The following AMPH variants were observed in gnomAD, a reference collection of about 807,000 sequenced individuals.
AMPH encodes amphiphysin (Stiff-Mann syndrome with breast cancer 128kD autoantigen).
AMPH carries 49 observed loss-of-function variants against 99.1 expected under a neutral mutation model. The ratio of observed to expected loss-of-function variants is 0.49; its 90% CI spans 0.39 to 0.63. AMPH has a LOEUF of 0.63. AMPH is among the 20% of genes least tolerant of loss of function. The pLI is 0.00. For missense variants in AMPH, 759 were observed against 863.4 expected (o/e 0.88, Z 1.52); for synonymous variants, 314 against 317.3 (o/e 0.99, Z 0.11).
intron 4 of AMPH, among the ~76,000 whole-genome samples, 173 bp from the exon 5 acceptor site, chr7:38,491,318 C>T (rs1788711810): frequency 6.6e-6 from 1 of 152,162 alleles, no homozygotes; most frequent in Admixed American, 6.5e-5. Flanking sequence ...GGCAATTTGG[C>T]CACTGGTTCT....
At chr7:38,620,336 A>ATATGTGTG (rs1297516293) in intron 1 of AMPH, among the ~76,000 whole-genome samples, 1 of 145,622 alleles carries the variant, frequency 6.9e-6, no homozygotes, top group African/African-American at 2.6e-5. Flanking sequence ...AGATATATAT[A>ATATGTGTG]TGTGTGTGTG....
intron 1 of AMPH, among the ~76,000 whole-genome samples, chr7:38,593,265 C>A (rs979850785): frequency 1.3e-5 from 2 of 152,164 alleles, no homozygotes; most frequent in African/African-American, 4.8e-5. Flanking sequence ...TCTAGTGAAG[C>A]AGAAACTATT....
At chr7:38,431,068 C>A (rs1786001472) in intron 13 of AMPH, among the ~76,000 whole-genome samples, 1 of 152,184 alleles carries the variant, frequency 6.6e-6, no homozygotes, top group South Asian at 2.1e-4. Context: ...GACCCTGCTC[C>A]AAGGGATATG....
intron 17 of AMPH, among the ~76,000 whole-genome samples, chr7:38,408,768 A>C (rs1319536849): frequency 1.5e-5 from 2 of 137,332 alleles, no homozygotes; most frequent in Non-Finnish European, 3.2e-5. Context: ...AAAAAAAAAA[A>C]AGAATTTCTC....
At chr7:38,409,479 GTGTGAC>G (rs1427815815) in intron 17 of AMPH, among the ~76,000 whole-genome samples, 2 of 152,160 alleles carry the variant, frequency 1.3e-5, no homozygotes, top group Non-Finnish European at 2.9e-5. Context: ...TTTTCCTTCA[GTGTGAC>G]TGTAGGGGCA....
At chr7:38,581,093 G>A (rs368968171) in intron 1 of AMPH, among the ~76,000 whole-genome samples, 42 of 138,278 alleles carry the variant, frequency 3.0e-4, no homozygotes, top group African/African-American at 9.3e-4. Context: ...CAAGGCTGAG[G>A]AGCAATAGAA....
intron 2 of AMPH, among the ~76,000 whole-genome samples, chr7:38,514,242 T>G (rs1252880646): frequency 6.6e-6 from 1 of 152,226 alleles, no homozygotes; most frequent in African/African-American, 2.4e-5. Flanking sequence ...ATTCCTGGCA[T>G]GCAGAACACA....
At position 38,480,259 on chromosome 7, in the gene AMPH, G is replaced by T. The variant is rs543696462; in HGVS notation, c.397-3290C>A. Among the ~76,000 whole-genome samples, 41 of 152,226 alleles carry T rather than the reference G, an allele frequency of 2.7e-4. No individual in the cohort carries two copies. In the South Asian group the frequency reaches 7.7e-3, roughly 29 times the overall value. ...GTGGCAAAAGTGAACTGAATTAGAA[G>T]TTGGCCCCAGTGACCAGCGCCAGGA... On this transcript the variant is annotated intron_variant, in intron 5 of 20. Coordinates refer to ENST00000356264, the MANE Select transcript of AMPH (RefSeq NM_001635.4).
chr7:38,472,543 G>T (rs1787923711), intron 7 of AMPH, among the ~76,000 whole-genome samples: 1 of 152,154 alleles, frequency 6.6e-6, no homozygotes, highest in Non-Finnish European at 1.5e-5. Flanking sequence ...GGTTATACAT[G>T]TAAAGTACAT....
chr7:38,587,273 C>G (rs1330181321), intron 1 of AMPH, among the ~76,000 whole-genome samples: 2 of 152,172 alleles, frequency 1.3e-5, no homozygotes, highest in African/African-American at 4.8e-5. Flanking sequence ...GCTCTGGGTG[C>G]TAATGTTTCC....
At chr7:38,527,568 G>A (rs554793213) in intron 2 of AMPH, among the ~76,000 whole-genome samples, 1 of 152,264 alleles carries the variant, frequency 6.6e-6, no homozygotes, top group Admixed American at 6.5e-5. Context: ...ATAGAAATGT[G>A]ATTGATATTT....
intron 1 of AMPH, among the ~76,000 whole-genome samples, chr7:38,542,571 A>G (rs73692757): frequency 0.12 from 17,547 of 152,192 alleles, 1,672 homozygotes; most frequent in East Asian, 0.37. Context: ...AGGGTTCTAC[A>G]TTTGGGAAAT....
intron 1 of AMPH, among the ~76,000 whole-genome samples, chr7:38,615,136 G>A (rs1447221953): frequency 1.3e-5 from 2 of 152,096 alleles, no homozygotes; most frequent in African/African-American, 2.4e-5. Flanking sequence ...TGAGACTTCC[G>A]AGATCAATTC....
At chr7:38,444,139 A>G (rs1043612453) in intron 11 of AMPH, among the ~76,000 whole-genome samples, 2 of 152,222 alleles carry the variant, frequency 1.3e-5, no homozygotes, top group African/African-American at 4.8e-5. Context: ...TAATGTCTGT[A>G]CATTGCAAAC....
intron 4 of AMPH, among the ~76,000 whole-genome samples, chr7:38,492,502 T>A (rs892048050): frequency 1.3e-5 from 2 of 152,250 alleles, no homozygotes; most frequent in Non-Finnish European, 2.9e-5. Flanking sequence ...TTTTAAAATT[T>A]GCTTTTGTTT....
intron 11 of AMPH, among the ~76,000 whole-genome samples, chr7:38,446,583 C>T (rs894471978): frequency 6.6e-6 from 1 of 152,146 alleles, no homozygotes; most frequent in Non-Finnish European, 1.5e-5. Context: ...TGTATAGCAA[C>T]AGAAAGATGA....
chr7:38,575,186 T>C (rs1429003167), intron 1 of AMPH, among the ~76,000 whole-genome samples: 1 of 152,054 alleles, frequency 6.6e-6, no homozygotes, highest in East Asian at 1.9e-4. Context: ...CTCTACTCTA[T>C]ATAGACCCTC....
In AMPH at chr7:38,512,779, C is replaced by T. The variant is rs138874393; in HGVS notation, c.151-9075G>A. Among the ~76,000 whole-genome samples, 172 of 151,898 alleles carry T rather than the reference C, an allele frequency of 1.1e-3. 1 individual carries two copies. The highest frequency in any genetic ancestry group is 2.0e-3 in the Non-Finnish European group (134 of 67,910). On this transcript the variant is annotated intron_variant, in intron 2 of 20. Coordinates refer to ENST00000356264, the MANE Select transcript of AMPH (RefSeq NM_001635.4). ...AATTAAGGCTTTTCATTTAGATAGG[C>T]CAGAACTGAAGAGATGCTCTTACTG...
chr7:38,394,256 G>C, intron 17 of AMPH, 42 bp from the exon 18 acceptor site: 3 of 1,601,306 alleles, frequency 1.9e-6, no homozygotes, highest in Non-Finnish European at 2.6e-6. Context: ...CATCTCCATG[G>C]GCCTCTGCCA....
Sources: gnomAD v4.1 joint callset for allele counts (sites outside exome capture counted in the v4.1 genomes callset) on GRCh38, gnomAD v4.1.1 for gene constraint, MANE v1.5 for transcripts, NCBI Gene and HGNC (gene_info 2026-07-23, HGNC 2026-07-21) for gene names.